The following NWD2 variants were observed in gnomAD, a reference collection of about 807,000 sequenced individuals.
The protein encoded by NWD2 is NACHT and WD repeat domain containing 2, also known as NACHT and WD repeat domain-containing protein 2.
In NWD2, 37 loss-of-function variants were observed where a neutral mutation model predicts 132.7. The observed-to-expected ratio is 0.28, with a 90% CI of 0.21 to 0.37. The LOEUF (loss-of-function observed/expected upper bound fraction) is 0.37, where lower values mean the gene tolerates loss of function less well. NWD2 is among the 10% of genes least tolerant of loss of function. The pLI, the probability that NWD2 is intolerant of heterozygous loss-of-function variation, is 1.00. For missense variants in NWD2, 1,592 were observed against 2,122.4 expected (o/e 0.75, Z 4.91); for synonymous variants, 705 against 803.0 (o/e 0.88, Z 2.06).
chr4:37,351,701 T>C (rs1158551421), intron 2 of NWD2, among the ~76,000 whole-genome samples: 2 of 152,230 alleles, frequency 1.3e-5, no homozygotes, highest in Non-Finnish European at 2.9e-5. Flanking sequence ...ATCTTAGTTA[T>C]TTCTTGTCTT....
chr4:37,335,309 G>GA (rs1158123475), intron 2 of NWD2, among the ~76,000 whole-genome samples: 2 of 123,662 alleles, frequency 1.6e-5, no homozygotes, highest in East Asian at 6.1e-4. Context: ...GCGGGGGGGG[G>GA]GGGCTTAAAT....
chr4:37,363,786 C>T (rs908842054), intron 3 of NWD2, among the ~76,000 whole-genome samples: 1 of 152,062 alleles, frequency 6.6e-6, no homozygotes, highest in African/African-American at 2.4e-5. Context: ...AACAAACCTG[C>T]GTATGTATGC....
In NWD2 at chr4:37,244,791, G is replaced by C; in HGVS notation, c.-277G>C. 2.6e-6 allele frequency: 1 copy of C among 382,870 alleles called. No homozygotes were observed. Among genetic ancestry groups the C allele is most frequent in the Non-Finnish European group, 4.7e-6 (1 of 214,106 alleles). The allele number at this position is 382,870 out of a possible 1,614,324, so 23.7% of individuals were successfully genotyped here. ...GCCGCCACGCTGACCTCCCGCTCCA[G>C]CTGGCTGCTGCTCGGAGCCCTAGCA... On this transcript the variant is annotated 5_prime_UTR_variant, in exon 1 of 7. Transcript: ENST00000309447. This position sits in a 1 kb window ranked among gnomAD's most constrained non-coding sequence, Gnocchi z 5.5.
intron 3 of NWD2, among the ~76,000 whole-genome samples, chr4:37,364,422 G>A (rs1720050113): frequency 6.6e-6 from 1 of 152,084 alleles, no homozygotes; most frequent in Admixed American, 6.5e-5. Context: ...CAGGTAAGAG[G>A]TTCTTCTGTG....
intron 3 of NWD2, among the ~76,000 whole-genome samples, chr4:37,418,325 A>T (rs972142247): frequency 6.6e-6 from 1 of 152,192 alleles, no homozygotes; most frequent in African/African-American, 2.4e-5. Flanking sequence ...AAATTAATAC[A>T]TAGGGAAGAA....
chr4:37,287,703 C>T (rs1718264488), intron 1 of NWD2, among the ~76,000 whole-genome samples: 1 of 152,202 alleles, frequency 6.6e-6, no homozygotes, highest in Admixed American at 6.5e-5. Flanking sequence ...GCAGAGTTAG[C>T]CTTTCCTCCT....
At chr4:37,328,745 A>G (rs1719227350) in intron 2 of NWD2, among the ~76,000 whole-genome samples, 1 of 152,170 alleles carries the variant, frequency 6.6e-6, no homozygotes, top group South Asian at 2.1e-4. Flanking sequence ...TCCAGAAACC[A>G]GAACGCCTCT....
At chr4:37,379,047 C>T (rs1221865048) in intron 3 of NWD2, among the ~76,000 whole-genome samples, 1 of 152,194 alleles carries the variant, frequency 6.6e-6, no homozygotes, top group Non-Finnish European at 1.5e-5. Flanking sequence ...TTGCCAAATC[C>T]TTGATAATCT....
chr4:37,390,595 G>GT (rs1028742125), intron 3 of NWD2, among the ~76,000 whole-genome samples: 24 of 152,130 alleles, frequency 1.6e-4, no homozygotes, highest in African/African-American at 5.6e-4. Context: ...GCATCATGAT[G>GT]TTTAAAACCT....
chr4:37,370,042 T>C (rs1327102356), intron 3 of NWD2, among the ~76,000 whole-genome samples: 1 of 152,170 alleles, frequency 6.6e-6, no homozygotes, highest in Non-Finnish European at 1.5e-5. Flanking sequence ...AATTGTAGGA[T>C]TATTACTGCT....
intron 1 of NWD2, among the ~76,000 whole-genome samples, chr4:37,304,954 G>T (rs1049939629): frequency 2.6e-5 from 4 of 152,188 alleles, no homozygotes; most frequent in Middle Eastern, 3.2e-3. Context: ...CCCTAGTAGA[G>T]GTTCTCCATG....
intron 5 of NWD2, among the ~76,000 whole-genome samples, chr4:37,436,301 G>C (rs1442661020): frequency 6.6e-6 from 1 of 152,044 alleles, no homozygotes; most frequent in Non-Finnish European, 1.5e-5. Flanking sequence ...AATATTTATA[G>C]ATAGGCATCA....
At position 37,433,995 on chromosome 4, in the gene NWD2, C is replaced by G; in HGVS notation, c.681C>G (p.Ser227Arg). The change falls in exon 5 of 7, where the codon AGC becomes AGG. Residue 227 changes from serine to arginine, a missense_variant. This residue lies in a region of NWD2 where 144 missense variants were observed against 185.7 expected (regional missense o/e 0.78). Coordinates refer to ENST00000309447, the MANE Select transcript of NWD2 (RefSeq NM_001144990.2). Reference sequence around the variant, plus strand: ...ACGAAAAGGGTAAAATGAAACACAGCCAGGCTAAGAGGTACCTGTTCTCAG... The same window carrying G: ...ACGAAAAGGGTAAAATGAAACACAGGCAGGCTAAGAGGTACCTGTTCTCAG... ...LLHEKGKMKH[S>R]QAKRYLFSAI... is the part of the protein sequence containing the mutation. The G allele has an allele frequency of 6.5e-7, 1 of 1,549,340 alleles. No individual in the cohort carries two copies. Among genetic ancestry groups the G allele is most frequent in the East Asian group, 2.4e-5 (1 of 40,870 alleles).
chr4:37,263,473 T>G (rs1717687408), intron 1 of NWD2, among the ~76,000 whole-genome samples: 2 of 152,186 alleles, frequency 1.3e-5, no homozygotes, highest in Admixed American at 1.3e-4. Flanking sequence ...ATCAGGGCTC[T>G]GCCACTTTGT....
At chr4:37,327,009 T>C (rs1719186820) in intron 2 of NWD2, among the ~76,000 whole-genome samples, 1 of 152,192 alleles carries the variant, frequency 6.6e-6, no homozygotes, top group South Asian at 2.1e-4. Context: ...TTGTCACTCA[T>C]AAGTCACCAT....
intron 6 of NWD2, among the ~76,000 whole-genome samples, chr4:37,442,916 G>A (rs544951735): frequency 1.8e-4 from 27 of 151,940 alleles, no homozygotes; most frequent in Non-Finnish European, 2.8e-4. Flanking sequence ...GCCAACAACT[G>A]CACCAGGAAA....
chr4:37,356,180 A>G lies in NWD2; in HGVS notation c.241-186A>G, dbSNP rs570527232. 2.0e-3 allele frequency among the ~76,000 whole-genome samples: 304 copies of G among 152,330 alleles called. 2 individuals are homozygous for G. Among genetic ancestry groups the G allele is most frequent in the Middle Eastern group, 6.8e-3 (2 of 294 alleles). On this transcript the variant is annotated intron_variant, in intron 2 of 6. Coordinates refer to ENST00000309447, the MANE Select transcript of NWD2 (RefSeq NM_001144990.2). ...AGTATAATCAGAAACAAAAGAAGAA[A>G]TTATAAGGTTCATTCCCAACCCATC...
chr4:37,409,940 A>G (rs1721120744), intron 3 of NWD2, among the ~76,000 whole-genome samples: 1 of 152,212 alleles, frequency 6.6e-6, no homozygotes, highest in Admixed American at 6.5e-5. Context: ...AAAATCCTTT[A>G]CACACAAGCA....
intron 2 of NWD2, among the ~76,000 whole-genome samples, chr4:37,356,153 G>A (rs1236941907): frequency 6.6e-6 from 1 of 152,110 alleles, no homozygotes; most frequent in African/African-American, 2.4e-5. Context: ...GCCCATGTCA[G>A]CAGTATAATC....
Sources: allele counts gnomAD v4.1 joint callset (sites outside exome capture counted in the v4.1 genomes callset), GRCh38; gene constraint gnomAD v4.1.1; regional missense constraint gnomAD v4.1.1; non-coding constraint Gnocchi (gnomAD v3.1); transcripts MANE v1.5; gene names NCBI Gene and HGNC (gene_info 2026-07-23, HGNC 2026-07-21).